Variants in TRPM3 observed in about 807,000 individuals in gnomAD.
TRPM3 encodes the protein long transient receptor potential channel 3.
In TRPM3, 77 loss-of-function variants were observed where a neutral mutation model predicts 181.2. The observed-to-expected ratio is 0.42, with a 90% CI of 0.35 to 0.51. The LOEUF is 0.51. TRPM3 is among the 20% of genes least tolerant of loss of function. The probability of loss-of-function intolerance (pLI) is 0.01; values close to 1 mark genes in which losing one functional copy is unlikely to be tolerated. For synonymous variants in TRPM3, 745 were observed against 796.4 expected (o/e 0.94, Z 1.09); for missense variants, 1,759 against 2,196.7 (o/e 0.80, Z 3.98).
intron 1 of TRPM3, among the ~76,000 whole-genome samples, chr9:71,224,714 A>G (rs1156796875): frequency 6.6e-6 from 1 of 152,170 alleles, no homozygotes; most frequent in Non-Finnish European, 1.5e-5. Flanking sequence ...GAAGTAATTA[A>G]AAAGAATTAA....
At chr9:71,138,377 C>T (rs570159127) in intron 1 of TRPM3, among the ~76,000 whole-genome samples, 5 of 152,202 alleles carry the variant, frequency 3.3e-5, no homozygotes, top group East Asian at 3.9e-4. Context: ...CCCGTGCATA[C>T]GCTATGGTTG....
chr9:71,147,803 A>G (rs1477701325), intron 1 of TRPM3, among the ~76,000 whole-genome samples: 1 of 152,174 alleles, frequency 6.6e-6, no homozygotes, highest in Non-Finnish European at 1.5e-5. Context: ...TGCACAACTC[A>G]TATCTCAGAC....
chr9:70,897,833 G>A (rs572262207), intron 1 of TRPM3, among the ~76,000 whole-genome samples: 2 of 152,096 alleles, frequency 1.3e-5, no homozygotes, highest in South Asian at 4.2e-4. Context: ...TTGTAATAGC[G>A]CATTGGCCAT....
intron 1 of TRPM3, among the ~76,000 whole-genome samples, chr9:71,370,496 G>T (rs533174236): frequency 6.6e-6 from 1 of 152,214 alleles, no homozygotes; most frequent in Non-Finnish European, 1.5e-5. Flanking sequence ...AATCAAACCA[G>T]CCACAACATT....
chr9:70,974,863 A>T (rs1039962779), intron 1 of TRPM3, among the ~76,000 whole-genome samples: 1 of 117,978 alleles, frequency 8.5e-6, no homozygotes, highest in South Asian at 2.9e-4. Context: ...TGGAACATCA[A>T]TTTTTTTTTT....
intron 1 of TRPM3, among the ~76,000 whole-genome samples, chr9:71,356,101 C>T (rs2091888216): frequency 6.6e-6 from 1 of 152,128 alleles, no homozygotes; most frequent in Non-Finnish European, 1.5e-5. Context: ...CTCTGCCACT[C>T]TTGAAATCAA....
intron 1 of TRPM3, among the ~76,000 whole-genome samples, chr9:70,938,121 T>G (rs1482344390): frequency 6.6e-6 from 1 of 151,934 alleles, no homozygotes; most frequent in African/African-American, 2.4e-5. Flanking sequence ...TGCAAGGGAG[T>G]GCTAGGTCCT....
chr9:70,859,293 G>A (rs963053195), intron 3 of TRPM3, among the ~76,000 whole-genome samples: 5 of 152,152 alleles, frequency 3.3e-5, no homozygotes, highest in South Asian at 2.1e-4. Context: ...GAGGGCTGTC[G>A]AAGCCAGTGT....
chr9:71,201,525 T>C (rs2078792990), intron 1 of TRPM3, among the ~76,000 whole-genome samples: 1 of 152,226 alleles, frequency 6.6e-6, no homozygotes, highest in Admixed American at 6.5e-5. Context: ...CAGACGTAGA[T>C]TTGGTCTTTT....
intron 1 of TRPM3, among the ~76,000 whole-genome samples, chr9:71,099,697 C>A (rs534134579): frequency 2.6e-5 from 4 of 152,286 alleles, no homozygotes; most frequent in East Asian, 1.9e-4. Flanking sequence ...TTATGCTCAA[C>A]CTGAGATCCA....
At chr9:70,609,120 T>C (rs1334155953) in intron 19 of TRPM3, among the ~76,000 whole-genome samples, 1 of 152,162 alleles carries the variant, frequency 6.6e-6, no homozygotes, top group Non-Finnish European at 1.5e-5. Context: ...TTAAATCCTA[T>C]AAAATCGGAA....
At chr9:71,223,621 C>A (rs1025826341) in intron 1 of TRPM3, among the ~76,000 whole-genome samples, 1 of 152,182 alleles carries the variant, frequency 6.6e-6, no homozygotes, top group Non-Finnish European at 1.5e-5. Flanking sequence ...AATTCCAGGC[C>A]TTGGCTCTTG....
chr9:70,990,298 C>T (rs551993565), intron 1 of TRPM3, among the ~76,000 whole-genome samples: 1 of 152,150 alleles, frequency 6.6e-6, no homozygotes, highest in Admixed American at 6.5e-5. Context: ...AACAATACAT[C>T]TAAAACCAGT....
intron 1 of TRPM3, among the ~76,000 whole-genome samples, chr9:71,067,406 G>A (rs1452640490): frequency 6.6e-6 from 1 of 152,122 alleles, no homozygotes; most frequent in Non-Finnish European, 1.5e-5. Flanking sequence ...TTCTTCATTT[G>A]AGAACTCATG....
intron 8 of TRPM3, among the ~76,000 whole-genome samples, chr9:70,698,691 T>C (rs577310088): frequency 1.3e-5 from 2 of 152,222 alleles, no homozygotes; most frequent in East Asian, 1.9e-4. Flanking sequence ...TGGGAGGTGA[T>C]TGGATCGTGG....
chr9:71,423,384 G>A (rs534733719), intron 1 of TRPM3, among the ~76,000 whole-genome samples: 1 of 152,110 alleles, frequency 6.6e-6, no homozygotes, highest in African/African-American at 2.4e-5. Context: ...TTTGTAATGT[G>A]ATCTGCATAT....
intron 1 of TRPM3, among the ~76,000 whole-genome samples, chr9:70,981,550 T>C (rs1353688217): frequency 6.6e-6 from 1 of 152,166 alleles, no homozygotes; most frequent in Non-Finnish European, 1.5e-5. Context: ...TGGGTTTTAG[T>C]CCTGGCTCCA....
chr9:71,291,079 T>C (rs2085770959), intron 1 of TRPM3, among the ~76,000 whole-genome samples: 1 of 152,100 alleles, frequency 6.6e-6, no homozygotes. Context: ...GAGAAAAGAC[T>C]ATTAAATAAA....
chr9:70,848,046 A>G (rs185877793), intron 3 of TRPM3, among the ~76,000 whole-genome samples: 1 of 152,336 alleles, frequency 6.6e-6, no homozygotes, highest in Admixed American at 6.5e-5. Flanking sequence ...AGGCACCAAA[A>G]TAAGATCCTC....
Sources: gnomAD v4.1 joint callset for allele counts (sites outside exome capture counted in the v4.1 genomes callset) on GRCh38, gnomAD v4.1.1 for gene constraint, MANE v1.5 for transcripts, NCBI Gene and HGNC (gene_info 2026-07-23, HGNC 2026-07-21) for gene names.